Variants in IL17RC observed in about 807,000 individuals in gnomAD.
IL17RC encodes interleukin 17 receptor C, also known as interleukin-17 receptor C.
In IL17RC, 53 loss-of-function variants were observed where a neutral mutation model predicts 86.7. The ratio of observed to expected loss-of-function variants is 0.61; its 90% confidence interval spans 0.49 to 0.77. The LOEUF is 0.77. Ranked by LOEUF, IL17RC falls within the 30% of genes least tolerant of loss-of-function variation. The pLI, the probability that IL17RC is intolerant of heterozygous loss-of-function variation, is 0.00. For synonymous variants in IL17RC, 439 were observed against 413.1 expected (o/e 1.06, Z -0.76); for missense variants, 957 against 940.0 (o/e 1.02, Z -0.24).
chr3:9,917,991 C>A lies in IL17RC; in HGVS notation c.196C>A (p.Leu66Met), dbSNP rs1280932477. The A allele has an allele frequency of 8.1e-6, 13 of 1,613,816 alleles. No individual in the cohort carries two copies. The highest frequency in any genetic ancestry group is 1.1e-5 in the Non-Finnish European group (13 of 1,179,978). Reference protein sequence around the residue: ...APGPVLAPTHLQTELVLRCQK... With the variant: ...APGPVLAPTHMQTELVLRCQK... ...GGGCCCCGTGCTGGCGCCTACGCACCTGCAGACAGAGCTGGTGCTGAGGTG... is the reference window on the plus strand; with the variant it reads ...GGGCCCCGTGCTGGCGCCTACGCACATGCAGACAGAGCTGGTGCTGAGGTG... Residue 66 changes from leucine to methionine, a missense_variant, in exon 3 of 19, where the codon CTG (leucine) becomes ATG (methionine). Transcript: ENST00000403601.
Position 9,920,566 on chromosome 3 carries a change from T to G in IL17RC, c.541T>G (p.Tyr181Asp). Residue 181 changes from tyrosine (Y) to aspartate (D), a missense_variant, in exon 6 of 19, where the codon TAC becomes GAC. Physicochemically the swap from Tyr to Asp is radical, Grantham distance 160 (BLOSUM62 -3). Transcript: ENST00000403601. ...VRIWSYTQPR[Y>D]EKELNHTQQL... The stretch of plus-strand genomic sequence containing the variant: ...AATCTGGTCCTATACTCAGCCCAGG[T>G]ACGAGAAGGAACTCAACCACACACA... 1 of 1,608,100 alleles carries G rather than the reference T, an allele frequency of 6.2e-7. No individual in the cohort carries two copies. The highest frequency in any genetic ancestry group is 8.5e-7 in the Non-Finnish European group (1 of 1,176,736).
Position 9,930,166 on chromosome 3 carries a change from C to G in IL17RC, c.1278+17C>G. The G allele has an allele frequency of 6.2e-7, 1 of 1,613,502 alleles. No individual in the cohort carries two copies. Among genetic ancestry groups the G allele is most frequent in the East Asian group, 2.2e-5 (1 of 44,878 alleles). On this transcript the variant is annotated intron_variant, in intron 14 of 18. Transcript: ENST00000403601. The surrounding 1 kb of genome is among the most constrained non-coding windows in gnomAD (Gnocchi z 5.8). ...GCCTCCACGGTTAGGACTGGGCGACCCTCCTCCACAGATCTCTCCAAATGC... is the reference window on the plus strand; with the variant it reads ...GCCTCCACGGTTAGGACTGGGCGACGCTCCTCCACAGATCTCTCCAAATGC...
In IL17RC at chr3:9,924,276, C is replaced by T. The variant is rs1288102911; in HGVS notation, c.807C>T (p.Pro269=). Reference sequence around the variant, plus strand: ...CCTTGAACCACACAGACCTGGTTCCCTGCCTCTGTATTCAGGTAGGAGCAG... The same window carrying T: ...CCTTGAACCACACAGACCTGGTTCCTTGCCTCTGTATTCAGGTAGGAGCAG... ...IITLNHTDLV[P]CLCIQVWPLE... Residue 269 remains proline, a synonymous_variant, in exon 9 of 19, where the codon CCC becomes CCT. Transcript: ENST00000403601. 2 of 1,614,062 alleles carry T rather than the reference C, an allele frequency of 1.2e-6. No homozygotes were observed. Among genetic ancestry groups the T allele is most frequent in the Admixed American group, 3.3e-5 (2 of 60,014 alleles).
chr3:9,924,001 C>T lies in IL17RC; in HGVS notation c.743C>T (p.Pro248Leu). 1 of 1,613,982 alleles carries T rather than the reference C, an allele frequency of 6.2e-7. No individual in the cohort carries two copies. Among genetic ancestry groups the T allele is most frequent in the East Asian group, 2.2e-5 (1 of 44,886 alleles). The stretch of plus-strand genomic sequence containing the variant: ...AATCAGGTCCAGGGCCCCCCAAAAC[C>T]CCGGTGGCACAAAAACCTGGTGAGG... Reference protein sequence around the residue: ...YWNQVQGPPKPRWHKNLTGPQ... With the variant: ...YWNQVQGPPKLRWHKNLTGPQ... Residue 248 changes from proline to leucine, a missense_variant, in exon 8 of 19, where the codon CCC (proline) becomes CTC (leucine). By Grantham distance (98) the Pro-to-Leu change is moderately conservative. Transcript: ENST00000403601.
intron 6 of IL17RC, 137 bp downstream of exon 6, chr3:9,920,739 G>A (rs1013833175): frequency 2.7e-5 from 21 of 770,068 alleles, no homozygotes; most frequent in Non-Finnish European, 3.8e-5. Context: ...TCAGTCCCTC[G>A]GACCTTCTCT....
At position 9,920,539 on chromosome 3, in the gene IL17RC, C is replaced by T. The variant is rs763173682; in HGVS notation, c.514C>T (p.Arg172Ter). The T allele has an allele frequency of 5.0e-6, 8 of 1,608,290 alleles. No individual in the cohort carries two copies. Among genetic ancestry groups the T allele is most frequent in the Middle Eastern group, 1.7e-4 (1 of 6,056 alleles). The change falls in exon 6 of 19, where the codon CGA becomes TGA. Residue 172 changes from arginine to a stop codon, truncating the protein, a stop_gained. Transcript: ENST00000403601. LOFTEE classifies it high-confidence loss of function. ...CFEAALGSEV[R>*]IWSYTQPRYE... ...CGAGGCTGCCCTAGGGAGTGAGGTA[C>T]GAATCTGGTCCTATACTCAGCCCAG...
intron 6 of IL17RC, 116 bp from the exon 7 acceptor site, chr3:9,920,809 G>A (rs1442871193): frequency 2.4e-6 from 2 of 823,704 alleles, no homozygotes; most frequent in African/African-American, 1.7e-5. Flanking sequence ...GGATAGATGT[G>A]GGTGGTATGT....
chr3:9,931,856 C>T (rs1270258522), intron 16 of IL17RC, among the ~76,000 whole-genome samples: 1 of 132,098 alleles, frequency 7.6e-6, no homozygotes, highest in Admixed American at 7.8e-5. Flanking sequence ...CAATTCAAGG[C>T]AAATCAATTG....
In IL17RC at chr3:9,923,969, G is replaced by A. The variant is rs202125319; in HGVS notation, c.711G>A (p.Leu237=). 1.9e-6 allele frequency: 3 copies of A among 1,614,194 alleles called. No homozygotes were observed. Among genetic ancestry groups the A allele is most frequent in the Non-Finnish European group, 2.5e-6 (3 of 1,180,040 alleles). The change falls in exon 8 of 19, where the codon CTG becomes CTA. Residue 237 remains leucine (L), a synonymous_variant. Coordinates refer to ENST00000403601, the MANE Select transcript of IL17RC (RefSeq NM_153460.4). ...VSEEQHFGLS[L]YWNQVQGPPK... ...AGGAGCAGCACTTCGGCCTCTCCCT[G>A]TACTGGAATCAGGTCCAGGGCCCCC...
chr3:9,923,837 A>T (rs1285035989), intron 7 of IL17RC, 44 bp from the exon 8 acceptor site: 3 of 1,605,220 alleles, frequency 1.9e-6, no homozygotes, highest in Non-Finnish European at 2.6e-6. Flanking sequence ...GATGCAGAAG[A>T]GGTGAGGAAG....
intron 5 of IL17RC, among the ~76,000 whole-genome samples, chr3:9,919,471 T>C (rs568763920): frequency 2.6e-5 from 4 of 151,858 alleles, no homozygotes; most frequent in East Asian, 1.9e-4. Flanking sequence ...TGTGAAACCC[T>C]GCCTCCACTA....
At chr3:9,921,096 ATTC>A in intron 7 of IL17RC, 127 bp downstream of exon 7, 1 of 583,584 alleles carries the variant, frequency 1.7e-6, no homozygotes. Flanking sequence ...TCATTCATTC[ATTC>A]ATTCATTCAT....
At position 9,930,658 on chromosome 3, in the gene IL17RC, A is replaced by G; in HGVS notation, c.1338+199A>G. 4.4e-6 allele frequency: 3 copies of G among 680,090 alleles called. No individual in the cohort carries two copies. Among genetic ancestry groups the G allele is most frequent in the Non-Finnish European group, 7.6e-6 (3 of 394,464 alleles). 42.1% of individuals were successfully genotyped at this position (680,090 alleles called of 1,614,324 possible). Reference sequence around the variant, plus strand: ...CAGATAACCACACCTACAGGTGCTAAGTTTTGGGTTCCAGGGAGAGCTTCC... The same window carrying G: ...CAGATAACCACACCTACAGGTGCTAGGTTTTGGGTTCCAGGGAGAGCTTCC... On this transcript the variant is annotated intron_variant, in intron 15 of 18. Coordinates refer to ENST00000403601, the MANE Select transcript of IL17RC (RefSeq NM_153460.4). This position sits in a 1 kb window ranked among gnomAD's most constrained non-coding sequence, Gnocchi z 5.8.
At chr3:9,921,624 C>CTTT (rs113901070) in intron 7 of IL17RC, among the ~76,000 whole-genome samples, 3 of 135,706 alleles carry the variant, frequency 2.2e-5, no homozygotes, top group Admixed American at 7.4e-5. Flanking sequence ...TACTGATTTT[C>CTTT]TTTTTTTTTT....
In IL17RC at chr3:9,930,269, G is replaced by A; in HGVS notation, c.1278+120G>A. On this transcript the variant is annotated intron_variant, in intron 14 of 18. Transcript: ENST00000403601. This position sits in a 1 kb window ranked among gnomAD's most constrained non-coding sequence, Gnocchi z 5.8. ...GGAACATGGGGGGTGACTCAGACCA[G>A]GGCCATATTCAGCGGCATCACCAAA... 6.5e-7 allele frequency: 1 copy of A among 1,536,612 alleles called. No homozygotes were observed. The highest frequency in any genetic ancestry group is 8.9e-7 in the Non-Finnish European group (1 of 1,118,384).
intron 9 of IL17RC, among the ~76,000 whole-genome samples, chr3:9,926,625 G>GT (rs1008484457): frequency 8.1e-5 from 12 of 147,830 alleles, no homozygotes; most frequent in African/African-American, 2.3e-4. Context: ...TTTTTTTTTT[G>GT]TTTTTTTGTC....
chr3:9,931,084 A>G (rs1470106858), intron 16 of IL17RC, 141 bp downstream of exon 16: 55 of 767,004 alleles, frequency 7.2e-5, no homozygotes, highest in Non-Finnish European at 1.1e-4. Flanking sequence ...CATTCACTCA[A>G]AAAATGATGA....
intron 16 of IL17RC, among the ~76,000 whole-genome samples, chr3:9,931,462 C>CATATAT (rs1467036360): frequency 1.0e-3 from 130 of 130,330 alleles, no homozygotes; most frequent in African/African-American, 4.5e-3. Context: ...TTCACACACA[C>CATATAT]ACACACACAT....
intron 5 of IL17RC, 104 bp downstream of exon 5, chr3:9,918,713 C>G: frequency 1.3e-6 from 1 of 776,656 alleles, no homozygotes; most frequent in East Asian, 2.6e-5. Context: ...TTATTGAAAC[C>G]CTTCAGTACC....
Sources: gnomAD v4.1 joint callset for allele counts (sites outside exome capture counted in the v4.1 genomes callset) on GRCh38, gnomAD v4.1.1 for gene constraint, Gnocchi (gnomAD v3.1) non-coding constraint, MANE v1.5 for transcripts, NCBI Gene and HGNC (gene_info 2026-07-23, HGNC 2026-07-21) for gene names.